Variants in EMCN observed in about 807,000 individuals in gnomAD.
The protein encoded by EMCN is endomucin, also known as MUC-14.
EMCN carries 37 observed loss-of-function variants against 38.4 expected under a neutral mutation model. That is an observed-to-expected ratio of 0.96 (90% CI 0.74 to 1.27). The LOEUF (loss-of-function observed/expected upper bound fraction) is 1.27, where lower values mean the gene tolerates loss of function less well. Among genes scored for constraint, EMCN ranks in the 50% most tolerant of loss-of-function variants. The pLI is 0.00. For missense variants in EMCN, 318 were observed against 302.8 expected, an observed-to-expected ratio of 1.05 and a Z score of -0.37; for synonymous variants, 95 against 100.8, an observed-to-expected ratio of 0.94 and a Z score of 0.35.
At chr4:100,414,465 C>T (rs1560605095) in intron 10 of EMCN, among the ~76,000 whole-genome samples, 1 of 149,296 alleles carries the variant, frequency 6.7e-6, no homozygotes, top group Non-Finnish European at 1.5e-5. Context: ...GGCTTCTAAC[C>T]ACTCTATGGG....
At chr4:100,473,548 G>A (rs1728554279) in intron 3 of EMCN, among the ~76,000 whole-genome samples, 1 of 151,904 alleles carries the variant, frequency 6.6e-6, no homozygotes, top group South Asian at 2.1e-4. Context: ...ATTTGTCTCA[G>A]GAATTGCTAA....
At chr4:100,398,741 C>T (rs1726178026) in intron 11 of EMCN, among the ~76,000 whole-genome samples, 1 of 152,090 alleles carries the variant, frequency 6.6e-6, no homozygotes, top group Admixed American at 6.6e-5. Flanking sequence ...TTTTTAACCT[C>T]CAGACATTTT....
At chr4:100,499,742 T>C (rs762457603) in intron 1 of EMCN, among the ~76,000 whole-genome samples, 4 of 152,192 alleles carry the variant, frequency 2.6e-5, no homozygotes, top group Non-Finnish European at 4.4e-5. Context: ...GGGTCAGTTT[T>C]CAATTTAGTG....
chr4:100,407,654 T>C (rs571004305), intron 11 of EMCN, among the ~76,000 whole-genome samples: 3 of 152,268 alleles, frequency 2.0e-5, no homozygotes, highest in African/African-American at 7.2e-5. Context: ...CTACCTTTAA[T>C]AGTTTTCTTT....
At chr4:100,475,302 T>TAC (rs59162117) in intron 2 of EMCN, among the ~76,000 whole-genome samples, 193 bp from the exon 3 acceptor site, 3,171 of 143,066 alleles carry the variant, frequency 0.022, 84 homozygotes, top group African/African-American at 0.059. Context: ...TTGGGTGGCC[T>TAC]ACACACACAC....
intron 1 of EMCN, among the ~76,000 whole-genome samples, chr4:100,495,442 T>G (rs1480840213): frequency 6.6e-6 from 1 of 152,102 alleles, no homozygotes; most frequent in Admixed American, 6.6e-5. Flanking sequence ...TCAATATACT[T>G]AAATCTGAGA....
At chr4:100,478,773 G>T (rs1293363893) in intron 2 of EMCN, among the ~76,000 whole-genome samples, 1 of 152,026 alleles carries the variant, frequency 6.6e-6, no homozygotes, top group Non-Finnish European at 1.5e-5. Flanking sequence ...TAACACTCAA[G>T]TGCATAACTA....
chr4:100,407,190 G>A (rs1283169173), intron 11 of EMCN, among the ~76,000 whole-genome samples: 1 of 152,146 alleles, frequency 6.6e-6, no homozygotes, highest in Non-Finnish European at 1.5e-5. Context: ...GCCACTTTAT[G>A]CCTTTTAAGT....
At chr4:100,506,750 G>T (rs1353664999) in intron 1 of EMCN, among the ~76,000 whole-genome samples, 1 of 152,136 alleles carries the variant, frequency 6.6e-6, no homozygotes, top group Non-Finnish European at 1.5e-5. Flanking sequence ...GTTAAGGGTT[G>T]CTAGCTTGTA....
intron 5 of EMCN, among the ~76,000 whole-genome samples, chr4:100,431,931 C>T (rs1181392769): frequency 6.6e-6 from 1 of 152,012 alleles, no homozygotes; most frequent in African/African-American, 2.4e-5. Flanking sequence ...TTTCTCAATT[C>T]GGTAAGGCAC....
chr4:100,465,803 T>C (rs541230543), intron 3 of EMCN, among the ~76,000 whole-genome samples: 4 of 152,162 alleles, frequency 2.6e-5, no homozygotes, highest in Non-Finnish European at 4.4e-5. Context: ...TAAGTAATCA[T>C]GATGATGATG....
chr4:100,517,460 G>A (rs1370680418), intron 1 of EMCN, among the ~76,000 whole-genome samples: 2 of 151,986 alleles, frequency 1.3e-5, no homozygotes, highest in East Asian at 3.9e-4. Flanking sequence ...TAATGTCTCC[G>A]ATTACAGCCT....
At chr4:100,511,932 C>T (rs1729635034) in intron 1 of EMCN, among the ~76,000 whole-genome samples, 3 of 152,140 alleles carry the variant, frequency 2.0e-5, no homozygotes, top group African/African-American at 7.2e-5. Flanking sequence ...GACTCCATTC[C>T]CTCTTTTGTC....
At chr4:100,407,692 C>T (rs1410113433) in intron 11 of EMCN, among the ~76,000 whole-genome samples, 1 of 152,054 alleles carries the variant, frequency 6.6e-6, no homozygotes, top group East Asian at 1.9e-4. Flanking sequence ...GATCTGATGA[C>T]TATGTGTCTT....
intron 4 of EMCN, among the ~76,000 whole-genome samples, chr4:100,464,766 A>G (rs970846182): frequency 1.3e-5 from 2 of 151,850 alleles, no homozygotes; most frequent in African/African-American, 2.4e-5. Context: ...ATTTTTTTGC[A>G]ATATTTTATC....
At chr4:100,480,557 T>A (rs909206380) in intron 1 of EMCN, among the ~76,000 whole-genome samples, 6 of 148,688 alleles carry the variant, frequency 4.0e-5, no homozygotes, top group African/African-American at 1.5e-4. Context: ...TATATACATA[T>A]ACATATATGT....
Position 100,436,214 on chromosome 4 carries a change from C to T in EMCN, c.415+11319G>A, listed in dbSNP as rs116769838. On this transcript the variant is annotated intron_variant, in intron 5 of 11. Coordinates refer to ENST00000296420, the MANE Select transcript of EMCN (RefSeq NM_016242.4). ...TTAAGAAGTGGGCAAATGACAGGAA[C>T]AGATGCTTCTCAAAAGAAGACATTC... Among the ~76,000 whole-genome samples, 1,067 of 151,826 alleles carry T rather than the reference C, an allele frequency of 7.0e-3. 5 individuals are homozygous for T. The highest frequency in any genetic ancestry group is 0.012 in the Non-Finnish European group (831 of 67,898).
intron 3 of EMCN, among the ~76,000 whole-genome samples, 155 bp from the exon 4 acceptor site, chr4:100,465,694 T>A (rs1404025941): frequency 6.6e-6 from 1 of 152,190 alleles, no homozygotes; most frequent in African/African-American, 2.4e-5. Flanking sequence ...CACCTTTTGG[T>A]GATATAATTA....
chr4:100,508,942 T>C (rs529419639), intron 1 of EMCN, among the ~76,000 whole-genome samples: 1 of 152,186 alleles, frequency 6.6e-6, no homozygotes, highest in Non-Finnish European at 1.5e-5. Context: ...CAAAATACAC[T>C]TACTGCTTCC....
Sources: gnomAD v4.1 joint callset for allele counts (sites outside exome capture counted in the v4.1 genomes callset) on GRCh38, gnomAD v4.1.1 for gene constraint, MANE v1.5 for transcripts, NCBI Gene and HGNC (gene_info 2026-07-23, HGNC 2026-07-21) for gene names.